Variants in ZWILCH observed in about 807,000 individuals in gnomAD.
ZWILCH encodes the protein protein zwilch homolog.
ZWILCH carries 74 observed loss-of-function variants against 79.9 expected under a neutral mutation model. The ratio of observed to expected loss-of-function variants is 0.93; its 90% CI spans 0.77 to 1.12. The LOEUF is 1.12. Among genes scored for constraint, ZWILCH ranks in the 50% most tolerant of loss-of-function variants. The pLI, the probability that ZWILCH is intolerant of heterozygous loss-of-function variation, is 0.00. For missense variants in ZWILCH, 694 were observed against 687.5 expected (o/e 1.01, Z -0.11); for synonymous variants, 241 against 228.2 (o/e 1.06, Z -0.51).
chr15:66,516,446 T>C (rs1367165080), intron 4 of ZWILCH, among the ~76,000 whole-genome samples: 1 of 152,190 alleles, frequency 6.6e-6, no homozygotes, highest in African/African-American at 2.4e-5. Context: ...ACTACTGTAA[T>C]AACGTTCACA....
At chr15:66,535,784 G>A (rs1894996081) in intron 14 of ZWILCH, 149 bp from the exon 15 acceptor site, 1 of 612,190 alleles carries the variant, frequency 1.6e-6, no homozygotes, top group Non-Finnish European at 2.6e-6. Context: ...TGAAAGGTGA[G>A]AAATTCTATC....
At chr15:66,539,633 C>T (rs1895129722) in intron 16 of ZWILCH, among the ~76,000 whole-genome samples, 1 of 152,186 alleles carries the variant, frequency 6.6e-6, no homozygotes, top group East Asian at 1.9e-4. Flanking sequence ...CCCACCAGGA[C>T]TTCCTCCTGT....
rs1429203906 is a variant in ZWILCH at position 66,521,056 on chromosome 15, T to TTTG, written c.598_599insTTG (p.Ser200delinsPheAla). The TTTG allele has an allele frequency of 6.2e-7, 1 of 1,614,030 alleles. No individual in the cohort carries two copies. Among genetic ancestry groups the TTTG allele is most frequent in the African/African-American group, 1.3e-5 (1 of 74,938 alleles). ...CTGGGTACACTCTTTTCAGGTAACATCCAAAGGCTTTGCCCAGTATGAGCT... is the reference window on the plus strand; with the variant it reads ...CTGGGTACACTCTTTTCAGGTAACATTTGCCAAAGGCTTTGCCCAGTATGAGCT... On this transcript the variant is annotated protein_altering_variant, in exon 7 of 19. Coordinates refer to ENST00000307897, the MANE Select transcript of ZWILCH (RefSeq NM_017975.5).
At chr15:66,519,971 TTTTATTTTTAA>T (rs534395947) in intron 5 of ZWILCH, among the ~76,000 whole-genome samples, 42 of 151,716 alleles carry the variant, frequency 2.8e-4, no homozygotes, top group African/African-American at 9.9e-4. Context: ...CTAATTTTAT[TTTTATTTTTAA>T]TTTGTTTTTA....
intron 17 of ZWILCH, among the ~76,000 whole-genome samples, chr15:66,542,001 C>T (rs942883541): frequency 8.5e-5 from 13 of 152,220 alleles, no homozygotes; most frequent in African/African-American, 2.6e-4. Context: ...AAAGTCATAA[C>T]CAAACTGAAT....
chr15:66,507,824 T>C (rs905294075), intron 1 of ZWILCH, among the ~76,000 whole-genome samples: 1 of 151,962 alleles, frequency 6.6e-6, no homozygotes, highest in Non-Finnish European at 1.5e-5. Flanking sequence ...TCCTAGCTAC[T>C]CTGGAGGCTG....
At position 66,523,783 on chromosome 15, in the gene ZWILCH, T is replaced by C. The variant is rs1383702309; in HGVS notation, c.819+35T>C. 4.0e-6 allele frequency: 6 copies of C among 1,498,936 alleles called. No individual in the cohort carries two copies. The South Asian group carries it at 7.0e-5, about 17-fold the overall frequency. The allele number at this position is 1,498,936 out of a possible 1,614,324, so 92.9% of individuals were successfully genotyped here. The stretch of plus-strand genomic sequence containing the variant: ...CTTCTAGAATTCCTTTCCTTAAATC[T>C]ATGTTTTTATAAACATGTGTGCTAT... On this transcript the variant is annotated intron_variant, in intron 8 of 18. Transcript: ENST00000307897.
chr15:66,514,127 CA>C lies in ZWILCH; in HGVS notation c.201+47del, dbSNP rs771498024. 4 of 1,436,930 alleles carry C rather than the reference CA, an allele frequency of 2.8e-6. No homozygotes were observed. In the Admixed American group the frequency reaches 8.4e-5, roughly 30 times the overall value. 89.0% of individuals were successfully genotyped at this position (1,436,930 alleles called of 1,614,324 possible). A position where few individuals can be genotyped will look rare whatever the true frequency, so the allele number is the denominator to read the frequency against. ...TTGTGGTTGTTTAATTCTCCATAAC[CA>C]AATTTGGTTTCTTGGGAATAATCTA... On this transcript the variant is annotated intron_variant, in intron 3 of 18. Coordinates refer to ENST00000307897, the MANE Select transcript of ZWILCH (RefSeq NM_017975.5).
intron 14 of ZWILCH, 65 bp from the exon 15 acceptor site, chr15:66,535,868 A>G: frequency 6.9e-7 from 1 of 1,444,124 alleles, no homozygotes; most frequent in Non-Finnish European, 9.2e-7. Context: ...AGGCATACCT[A>G]TATTCTTTAC....
intron 17 of ZWILCH, among the ~76,000 whole-genome samples, chr15:66,544,722 T>TGTGTGTGTGTG (rs1555426552): frequency 1.3e-3 from 40 of 29,766 alleles, no homozygotes; most frequent in Admixed American, 3.7e-3. Flanking sequence ...TTTTTTTGGT[T>TGTGTGTGTGTG]TTTGTGTGTG....
intron 14 of ZWILCH, among the ~76,000 whole-genome samples, chr15:66,533,483 A>G (rs1020365708): frequency 6.6e-6 from 1 of 152,156 alleles, no homozygotes; most frequent in African/African-American, 2.4e-5. Context: ...AGAAAGTTGA[A>G]TAGTGTCTGT....
At chr15:66,521,542 C>T (rs1894493334) in intron 7 of ZWILCH, among the ~76,000 whole-genome samples, 1 of 152,168 alleles carries the variant, frequency 6.6e-6, no homozygotes, top group African/African-American at 2.4e-5. Flanking sequence ...GTCACCCAGG[C>T]TGGAGTAAAG....
intron 12 of ZWILCH, 23 bp from the exon 13 acceptor site, chr15:66,532,224 T>C (rs1287245877): frequency 5.2e-6 from 8 of 1,542,840 alleles, no homozygotes; most frequent in Non-Finnish European, 7.0e-6. Flanking sequence ...TTCATGGTTT[T>C]ATAAAATTTT....
Position 66,550,056 on chromosome 15 carries a change from G to T in ZWILCH, c.*1732G>T. 1 of 1,604,032 alleles carries T rather than the reference G, an allele frequency of 6.2e-7. No homozygotes were observed. Among genetic ancestry groups the T allele is most frequent in the Non-Finnish European group, 8.5e-7 (1 of 1,175,704 alleles). ...ACTGACTCACCTGCAGCAAGCATCT[G>T]ATTGTTGATAGAGCAAGTTTCCAAA... is the stretch of plus-strand genomic sequence containing the variant. On this transcript the variant is annotated 3_prime_UTR_variant, in exon 19 of 19. Coordinates refer to ENST00000307897, the MANE Select transcript of ZWILCH (RefSeq NM_017975.5).
intron 8 of ZWILCH, among the ~76,000 whole-genome samples, chr15:66,526,951 C>T (rs766777994): frequency 1.8e-4 from 27 of 152,180 alleles, no homozygotes; most frequent in Non-Finnish European, 3.5e-4. Context: ...CTTAAGTCCT[C>T]TGTAGCACCT....
intron 12 of ZWILCH, among the ~76,000 whole-genome samples, chr15:66,530,056 G>A (rs28670696): frequency 0.33 from 50,302 of 151,982 alleles, 8,434 homozygotes; most frequent in South Asian, 0.38. Flanking sequence ...AAGACTTTAT[G>A]TATCAGAATA....
At chr15:66,528,004 G>C in intron 10 of ZWILCH, 92 bp downstream of exon 10, 3 of 1,026,010 alleles carry the variant, frequency 2.9e-6, no homozygotes, top group Non-Finnish European at 4.2e-6. Flanking sequence ...ATCGCAAATG[G>C]ATTTGGGATA....
rs144575461 is a variant in ZWILCH, at chr15:66,532,997, C to T, written c.1325C>T (p.Ala442Val). ...YISFFIGQEL[A>V]SLNHLEYFIA... is the part of the protein sequence containing the mutation. ...TTTTTCTTAATAGGTCAGGAACTTG[C>T]ATCTTTGAATCATTTGGTGAGTTTA... Residue 442 changes from alanine (A) to valine (V), a missense_variant, in exon 14 of 19, where the codon GCA (alanine) becomes GTA (valine). Transcript: ENST00000307897. 1.5e-5 allele frequency: 24 copies of T among 1,577,176 alleles called. No homozygotes were observed. Among genetic ancestry groups the T allele is most frequent in the Non-Finnish European group, 2.0e-5 (23 of 1,159,000 alleles).
rs756385277 is a variant in ZWILCH, at chr15:66,527,920, A to C, written c.969+8A>C. On this transcript the variant is annotated splice_region_variant and intron_variant, in intron 10 of 18. Coordinates refer to ENST00000307897, the MANE Select transcript of ZWILCH (RefSeq NM_017975.5). ...AAAGACACTGAGGTTGAGGTAAGTG[A>C]TTATTATCAGTTAGAAATATACACA... The C allele has an allele frequency of 6.3e-6, 10 of 1,595,236 alleles. No homozygotes were observed. In the South Asian group the frequency reaches 1.0e-4, roughly 16 times the overall value.
Sources: gnomAD v4.1 joint callset for allele counts (sites outside exome capture counted in the v4.1 genomes callset) on GRCh38, gnomAD v4.1.1 for gene constraint, MANE v1.5 for transcripts, NCBI Gene and HGNC (gene_info 2026-07-23, HGNC 2026-07-21) for gene names.